Variants in RGS7 observed in about 807,000 individuals in gnomAD.
RGS7 encodes regulator of G protein signaling 7, also known as regulator of G-protein signaling 7.
Under a neutral mutation model 81.1 loss-of-function variants are expected in RGS7, and 27 were observed. The ratio of observed to expected loss-of-function variants is 0.33; its 90% confidence interval spans 0.25 to 0.46. RGS7 has a LOEUF of 0.46. Among genes scored for constraint, RGS7 ranks in the 20% least tolerant of loss-of-function variants. RGS7 has a pLI of 1.00. For synonymous variants in RGS7, 208 were observed against 207.7 expected (o/e 1.00, Z -0.01); for missense variants, 396 against 607.4 (o/e 0.65, Z 3.66).
At chr1:241,145,619 C>T (rs1352935735) in intron 2 of RGS7, among the ~76,000 whole-genome samples, 1 of 152,162 alleles carries the variant, frequency 6.6e-6, no homozygotes, top group Admixed American at 6.5e-5. Flanking sequence ...GTGGCACATG[C>T]CTGCAATCCC....
intron 3 of RGS7, among the ~76,000 whole-genome samples, chr1:241,091,350 C>A (rs2063857803): frequency 6.6e-6 from 1 of 150,944 alleles, no homozygotes; most frequent in Admixed American, 6.6e-5. Context: ...AGATCGAGAC[C>A]ATCTTGGCTA....
chr1:240,919,748 T>C, intron 6 of RGS7: 1 of 644,206 alleles, frequency 1.6e-6, no homozygotes, highest in South Asian at 1.8e-5. Context: ...TGAGGGGCCA[T>C]TTTCAGCAAT....
chr1:240,808,909 A>G (rs200312747), intron 14 of RGS7, among the ~76,000 whole-genome samples: 1 of 151,348 alleles, frequency 6.6e-6, no homozygotes, highest in Non-Finnish European at 1.5e-5. Flanking sequence ...TATCCTTTAT[A>G]TAGGTGGAAG....
intron 2 of RGS7, among the ~76,000 whole-genome samples, chr1:241,306,989 G>T (rs2080214248): frequency 6.6e-6 from 1 of 152,210 alleles, no homozygotes; most frequent in Non-Finnish European, 1.5e-5. Flanking sequence ...GTGTAAAAAT[G>T]AAAGAAAAGT....
intron 3 of RGS7, among the ~76,000 whole-genome samples, chr1:241,047,379 C>T (rs1473249475): frequency 2.6e-5 from 4 of 152,122 alleles, no homozygotes; most frequent in African/African-American, 9.7e-5. Flanking sequence ...TTTGTCTTTC[C>T]CGGCTTCCTG....
intron 4 of RGS7, among the ~76,000 whole-genome samples, chr1:240,967,508 C>T (rs993678877): frequency 6.8e-5 from 10 of 146,940 alleles, no homozygotes; most frequent in Admixed American, 1.4e-4. Context: ...GTACAGGCTG[C>T]GTAATACCCC....
intron 10 of RGS7, among the ~76,000 whole-genome samples, chr1:240,819,342 A>C (rs999971198): frequency 6.6e-6 from 1 of 152,256 alleles, no homozygotes; most frequent in Non-Finnish European, 1.5e-5. Context: ...AGAAAAACAC[A>C]GCAATTTGTG....
At chr1:241,000,095 G>A (rs1013880870) in intron 3 of RGS7, among the ~76,000 whole-genome samples, 4 of 152,106 alleles carry the variant, frequency 2.6e-5, no homozygotes, top group Non-Finnish European at 4.4e-5. Flanking sequence ...CAGAAGTCTC[G>A]ATGCTCCCTT....
intron 2 of RGS7, among the ~76,000 whole-genome samples, chr1:241,202,737 C>G (rs1051809483): frequency 6.6e-6 from 1 of 152,058 alleles, no homozygotes; most frequent in African/African-American, 2.4e-5. Flanking sequence ...TTCTTTACGG[C>G]TAGTTTTTAT....
At chr1:241,355,884 T>C in intron 1 of RGS7, 58 bp from the exon 2 acceptor site, 1 of 916,182 alleles carries the variant, frequency 1.1e-6, no homozygotes. Flanking sequence ...TGATTCATCA[T>C]CATCATTCAC....
chr1:240,793,734 C>T (rs1407740017), intron 18 of RGS7, among the ~76,000 whole-genome samples: 7 of 150,676 alleles, frequency 4.6e-5, no homozygotes, highest in South Asian at 2.1e-4. Flanking sequence ...CTCAGCCTCC[C>T]GAGTAGCTGG....
chr1:240,859,792 A>G (rs377130221), intron 9 of RGS7, among the ~76,000 whole-genome samples: 19 of 152,182 alleles, frequency 1.2e-4, no homozygotes, highest in East Asian at 5.8e-4. Flanking sequence ...CCAAATGTGG[A>G]AGTTTAGATT....
At chr1:241,221,065 GAGAGAGAAAGGAAGGAAGGAAGGA>G (rs1254123459) in intron 2 of RGS7, among the ~76,000 whole-genome samples, 1 of 123,272 alleles carries the variant, frequency 8.1e-6, no homozygotes, top group Admixed American at 9.0e-5. Flanking sequence ...GAAAGAGAGA[GAGAGAGAAAGGAAGGAAGGAAGGA>G]AGAAAGGAAG....
At chr1:241,119,227 G>T (rs1202258579) in intron 2 of RGS7, among the ~76,000 whole-genome samples, 1 of 152,172 alleles carries the variant, frequency 6.6e-6, no homozygotes, top group Non-Finnish European at 1.5e-5. Context: ...TAAGAGGAAT[G>T]ACGTTATTTT....
At chr1:241,094,586 G>A (rs565487413) in intron 3 of RGS7, among the ~76,000 whole-genome samples, 2 of 149,640 alleles carry the variant, frequency 1.3e-5, no homozygotes, top group African/African-American at 2.5e-5. Flanking sequence ...AAACCAGGAG[G>A]TTGAAATCAA....
At chr1:240,809,318 GA>G (rs989165094) in intron 14 of RGS7, among the ~76,000 whole-genome samples, 2 of 151,960 alleles carry the variant, frequency 1.3e-5, no homozygotes, top group African/African-American at 2.4e-5. Context: ...CCTAATATTT[GA>G]AAAAAAATGC....
intron 2 of RGS7, among the ~76,000 whole-genome samples, chr1:241,141,641 A>G (rs1291100348): frequency 6.6e-6 from 1 of 152,166 alleles, no homozygotes; most frequent in Non-Finnish European, 1.5e-5. Flanking sequence ...TCAGTATCAC[A>G]AGAACAGCAT....
In RGS7 at chr1:241,296,010, A is replaced by G. The variant is rs150815839; in HGVS notation, c.78+59689T>C. 2.6e-5 allele frequency among the ~76,000 whole-genome samples: 4 copies of G among 152,326 alleles called. No individual in the cohort carries two copies. The East Asian group carries it at 7.7e-4, about 29-fold the overall frequency. ...GAAGAATATGTGCAGCTTATTTCGA[A>G]CATGTTGAGCTTAAAGTGTCCATGG... On this transcript the variant is annotated intron_variant, in intron 2 of 18. Coordinates refer to ENST00000440928, the MANE Select transcript of RGS7 (RefSeq NM_001364886.1).
intron 2 of RGS7, among the ~76,000 whole-genome samples, chr1:241,238,403 A>G (rs969931134): frequency 6.6e-6 from 1 of 152,204 alleles, no homozygotes; most frequent in Non-Finnish European, 1.5e-5. Flanking sequence ...CCGAGGACCA[A>G]CTATTTAGGA....
Sources: gnomAD v4.1 joint callset for allele counts (sites outside exome capture counted in the v4.1 genomes callset) on GRCh38, gnomAD v4.1.1 for gene constraint, MANE v1.5 for transcripts, NCBI Gene and HGNC (gene_info 2026-07-23, HGNC 2026-07-21) for gene names.